Variants in TICRR observed in about 807,000 individuals in gnomAD.
TICRR encodes treslin.
A neutral mutation model predicts 178.1 loss-of-function variants in TICRR; 132 were observed. The ratio of observed to expected loss-of-function variants is 0.74; its 90% CI spans 0.64 to 0.86. TICRR has a LOEUF of 0.86. Ranked by LOEUF, TICRR falls within the 40% of genes least tolerant of loss-of-function variation. TICRR has a pLI of 0.00. For missense variants in TICRR, 2,587 were observed against 2,334.3 expected (o/e 1.11, Z -2.23); for synonymous variants, 991 against 900.7 (o/e 1.10, Z -1.79).
intron 1 of TICRR, chr15:89,579,768 C>T (rs1436441652): frequency 1.3e-5 from 2 of 152,210 alleles, no homozygotes; most frequent in Non-Finnish European, 2.9e-5. Context: ...TGCTGAGCCT[C>T]ATCGCCCTGC....
chr15:89,590,417 C>G (rs1180943686), intron 4 of TICRR, among the ~76,000 whole-genome samples: 2 of 152,184 alleles, frequency 1.3e-5, no homozygotes, highest in Non-Finnish European at 2.9e-5. Context: ...TATTGTAGAA[C>G]AGACTGTATC....
rs1377135263 is a variant in TICRR, at chr15:89,624,617, A to G, written c.4307A>G (p.Glu1436Gly). ...AGCCTCTCTCCTCAGTCTCCTCCTG[A>G]AAGACGGGGCTACCCAGGCCCTGGT... The part of the protein sequence containing the change: ...GLSLSPQSPP[E>G]RRGYPGPGLR... The change falls in exon 20 of 22, where the codon GAA (glutamate) becomes GGA (glycine). Residue 1436 changes from glutamate (E) to glycine (G), a missense_variant. Physicochemically the swap from Glu to Gly is moderately conservative, Grantham distance 98 (BLOSUM62 -2). Transcript: ENST00000268138. The G allele has an allele frequency of 6.2e-7, 1 of 1,613,848 alleles. No homozygotes were observed. The highest frequency in any genetic ancestry group is 1.3e-5 in the African/African-American group (1 of 74,912).
At chr15:89,598,189 G>A (rs1038465800) in intron 7 of TICRR, among the ~76,000 whole-genome samples, 1 of 151,950 alleles carries the variant, frequency 6.6e-6, no homozygotes. Flanking sequence ...TAGCCAGGAT[G>A]GTCTCGATCT....
chr15:89,623,527 C>CTA, intron 19 of TICRR, 96 bp from the exon 20 acceptor site: 3 of 1,242,146 alleles, frequency 2.4e-6, no homozygotes, highest in Non-Finnish European at 3.4e-6. Context: ...CTTTGGCTGA[C>CTA]TATAAATCTC....
At chr15:89,601,631 G>T (rs1203507899) in intron 11 of TICRR, 63 bp downstream of exon 11, 5 of 1,609,088 alleles carry the variant, frequency 3.1e-6, no homozygotes, top group Non-Finnish European at 4.3e-6. Context: ...GTATGGTGTT[G>T]TCTCTGAATT....
chr15:89,617,336 T>A (rs904966714), intron 16 of TICRR, among the ~76,000 whole-genome samples: 1 of 152,188 alleles, frequency 6.6e-6, no homozygotes, highest in Non-Finnish European at 1.5e-5. Context: ...TTTAATTAAA[T>A]TTTTTATAAC....
intron 7 of TICRR, 84 bp downstream of exon 7, chr15:89,595,695 A>G (rs16974170): frequency 0.32 from 293,750 of 916,304 alleles, 48,728 homozygotes; most frequent in Middle Eastern, 0.39. Flanking sequence ...TTTATTGACT[A>G]TCTGCTACAT....
chr15:89,608,801 A>G lies in TICRR; in HGVS notation c.2723-2A>G, dbSNP rs1351523470. 1 of 1,598,408 alleles carries G rather than the reference A, an allele frequency of 6.3e-7. No individual in the cohort carries two copies. Among genetic ancestry groups the G allele is most frequent in the African/African-American group, 1.4e-5 (1 of 73,526 alleles). On this transcript the variant is annotated splice_acceptor_variant, in intron 14 of 21. Transcript: ENST00000268138. LOFTEE classifies it high-confidence loss of function. The stretch of plus-strand genomic sequence containing the variant: ...TTTTCTTTTAATTTTTGATGCTTTC[A>G]GAAGTGACCAAAGTTCGAAGAAATC...
chr15:89,591,127 T>TTG (rs139343320), intron 4 of TICRR, among the ~76,000 whole-genome samples: 83 of 151,950 alleles, frequency 5.5e-4, no homozygotes, highest in African/African-American at 5.1e-4. Context: ...AAGCCAATTT[T>TTG]TGTGTGTGTG....
At chr15:89,588,905 T>C (rs1962865235) in intron 4 of TICRR, among the ~76,000 whole-genome samples, 1 of 152,082 alleles carries the variant, frequency 6.6e-6, no homozygotes, top group South Asian at 2.1e-4. Context: ...TTTGTCGTTA[T>C]TTTCAGCAGG....
In TICRR at chr15:89,582,820, A is replaced by C. The variant is rs1176310983; in HGVS notation, c.789A>C (p.Gly263=). ...AQAGEMLLRS[G]IKLSSEPHLS... ...CTGGGGAAATGCTGCTCAGGAGTGG[A>C]ATAAAGCTGTCAAGTGAACCTCATC... is the stretch of plus-strand genomic sequence containing the variant. The change falls in exon 2 of 22, where the codon GGA becomes GGC. Residue 263 remains glycine, a synonymous_variant. Coordinates refer to ENST00000268138, the MANE Select transcript of TICRR (RefSeq NM_152259.4). 1 of 1,614,172 alleles carries C rather than the reference A, an allele frequency of 6.2e-7. No individual in the cohort carries two copies. The highest frequency in any genetic ancestry group is 1.7e-5 in the Admixed American group (1 of 60,010).
chr15:89,594,003 C>T (rs1008400408), intron 5 of TICRR, among the ~76,000 whole-genome samples: 1 of 152,110 alleles, frequency 6.6e-6, no homozygotes, highest in Admixed American at 6.6e-5. Flanking sequence ...TAGTTTATTA[C>T]AATGTGAAAG....
rs771619398 is a variant in TICRR at position 89,623,647 on chromosome 15, T to C, written c.3337T>C (p.Ser1113Pro). ...YQTPKKSHQK[S>P]LSFSKTTPRR... ...GACTCCCAAGAAGAGTCACCAGAAA[T>C]CTCTGAGCTTTTCTAAAACTACACC... Residue 1113 changes from serine to proline, a missense_variant, in exon 20 of 22, where the codon TCT becomes CCT. Physicochemically the swap from Ser to Pro is moderately conservative, Grantham distance 74. Coordinates refer to ENST00000268138, the MANE Select transcript of TICRR (RefSeq NM_152259.4). 1.9e-6 allele frequency: 3 copies of C among 1,609,392 alleles called. No individual in the cohort carries two copies. Among genetic ancestry groups the C allele is most frequent in the African/African-American group, 1.3e-5 (1 of 74,492 alleles).
chr15:89,577,135 G>T (rs1030320223), intron 1 of TICRR, among the ~76,000 whole-genome samples: 3 of 151,816 alleles, frequency 2.0e-5, no homozygotes, highest in African/African-American at 7.3e-5. Context: ...CAGGCAATCC[G>T]CCTGCCTTGG....
chr15:89,576,848 T>C (rs1163986920), intron 1 of TICRR, among the ~76,000 whole-genome samples: 34 of 125,874 alleles, frequency 2.7e-4, no homozygotes, highest in African/African-American at 8.2e-4. Context: ...TATATATATA[T>C]ATATATATAT....
intron 13 of TICRR, among the ~76,000 whole-genome samples, chr15:89,605,851 TA>T (rs200952721): frequency 6.6e-6 from 1 of 151,932 alleles, no homozygotes; most frequent in Non-Finnish European, 1.5e-5. Context: ...AAAAAATCTT[TA>T]AAAAAACAGT....
chr15:89,589,599 C>G (rs1205226370), intron 4 of TICRR, among the ~76,000 whole-genome samples: 1 of 152,156 alleles, frequency 6.6e-6, no homozygotes, highest in Admixed American at 6.5e-5. Flanking sequence ...CAGCATACAA[C>G]GACTTGAGAA....
chr15:89,584,604 C>T (rs1023364765), intron 3 of TICRR, 77 bp downstream of exon 3: 10 of 1,421,790 alleles, frequency 7.0e-6, no homozygotes, highest in Middle Eastern at 1.9e-4. Context: ...TTTATAAATG[C>T]CCTACACAAT....
Position 89,584,492 on chromosome 15 carries a change from T to C in TICRR, c.1141T>C (p.Leu381=). Residue 381 remains leucine, a synonymous_variant, in exon 3 of 22, where the codon TTG becomes CTG. Coordinates refer to ENST00000268138, the MANE Select transcript of TICRR (RefSeq NM_152259.4). Reference sequence around the variant, plus strand: ...AACTCAAAGGCTGTTATTTCAGCAGTTGGTAAGCAGGCTGACTGCTGAAGA... The same window carrying C: ...AACTCAAAGGCTGTTATTTCAGCAGCTGGTAAGCAGGCTGACTGCTGAAGA... ...TATQRLLFQQ[L]VSRLTAEELH... is the part of the protein sequence containing the mutation. 1.3e-6 allele frequency: 2 copies of C among 1,598,130 alleles called. No homozygotes were observed. The highest frequency in any genetic ancestry group is 1.7e-6 in the Non-Finnish European group (2 of 1,170,728).
Sources: gnomAD v4.1 joint callset for allele counts (sites outside exome capture counted in the v4.1 genomes callset) on GRCh38, gnomAD v4.1.1 for gene constraint, MANE v1.5 for transcripts, NCBI Gene and HGNC (gene_info 2026-07-23, HGNC 2026-07-21) for gene names.